Variants in NKAIN2 observed in about 807,000 individuals in gnomAD.
NKAIN2 encodes the protein sodium/potassium transporting ATPase interacting 2.
NKAIN2 carries 14 observed loss-of-function variants against 32.6 expected under a neutral mutation model. The ratio of observed to expected loss-of-function variants is 0.43; its 90% CI spans 0.28 to 0.67. The LOEUF (loss-of-function observed/expected upper bound fraction) is 0.67, where lower values mean the gene tolerates loss of function less well. NKAIN2 is among the 30% of genes least tolerant of loss of function. The pLI is 0.17. For missense variants in NKAIN2, 198 were observed against 258.3 expected, an observed-to-expected ratio of 0.77 and a Z score of 1.60; for synonymous variants, 80 against 87.2, an observed-to-expected ratio of 0.92 and a Z score of 0.46.
chr6:124,537,319 T>C (rs987790434), intron 3 of NKAIN2, among the ~76,000 whole-genome samples: 17 of 152,342 alleles, frequency 1.1e-4, no homozygotes, highest in African/African-American at 3.8e-4. Context: ...TAGCTTGTTC[T>C]ACATGTGATG....
intron 3 of NKAIN2, among the ~76,000 whole-genome samples, chr6:124,648,583 C>T (rs527323993): frequency 6.6e-6 from 1 of 152,172 alleles, no homozygotes; most frequent in East Asian, 1.9e-4. Flanking sequence ...TGGAGGCCTA[C>T]ATTAAATTAT....
In NKAIN2 at chr6:123,814,398, A is replaced by G. The variant is rs561979892; in HGVS notation, c.54+10144A>G. Reference sequence around the variant, plus strand: ...TTACCATTTTATAGACTGCCCTGGAATAGATTTATTTTTATTCAGAAAAGC... The same window carrying G: ...TTACCATTTTATAGACTGCCCTGGAGTAGATTTATTTTTATTCAGAAAAGC... On this transcript the variant is annotated intron_variant, in intron 1 of 6. Coordinates refer to ENST00000368417, the MANE Select transcript of NKAIN2 (RefSeq NM_001040214.3). Among the ~76,000 whole-genome samples the G allele has an allele frequency of 3.9e-5, 6 of 152,346 alleles. No homozygotes were observed. In the East Asian group the frequency reaches 1.2e-3, roughly 29 times the overall value.
chr6:124,777,850 G>C (rs1468149455), intron 4 of NKAIN2, among the ~76,000 whole-genome samples: 1 of 151,878 alleles, frequency 6.6e-6, no homozygotes, highest in African/African-American at 2.4e-5. Context: ...GCAGACTGAG[G>C]CTAATTACAG....
At chr6:124,040,801 A>G (rs532707156) in intron 1 of NKAIN2, among the ~76,000 whole-genome samples, 1 of 152,114 alleles carries the variant, frequency 6.6e-6, no homozygotes, top group South Asian at 2.1e-4. Flanking sequence ...CTTCCCATAT[A>G]TAAAAAGGGA....
chr6:124,742,794 C>G (rs996911017), intron 4 of NKAIN2, among the ~76,000 whole-genome samples: 20 of 151,792 alleles, frequency 1.3e-4, no homozygotes, highest in Admixed American at 9.9e-4. Flanking sequence ...GGACATCATC[C>G]AAGCCTTGGG....
At chr6:124,627,201 C>T (rs1032972827) in intron 3 of NKAIN2, among the ~76,000 whole-genome samples, 19 of 151,848 alleles carry the variant, frequency 1.3e-4, no homozygotes, top group African/African-American at 2.7e-4. Flanking sequence ...ACATGGGAGG[C>T]GGAGGTTGCA....
intron 3 of NKAIN2, among the ~76,000 whole-genome samples, chr6:124,397,917 G>C (rs938639075): frequency 7.9e-5 from 12 of 152,072 alleles, no homozygotes; most frequent in Admixed American, 3.9e-4. Flanking sequence ...CAGGTTCTCA[G>C]AGTTTATGGT....
intron 3 of NKAIN2, among the ~76,000 whole-genome samples, chr6:124,378,919 C>G (rs964779511): frequency 6.9e-6 from 1 of 145,578 alleles, no homozygotes; most frequent in Non-Finnish European, 1.5e-5. Flanking sequence ...GTAAAGAGAC[C>G]TGACTCTACA....
At chr6:124,764,863 T>C (rs1418975026) in intron 4 of NKAIN2, among the ~76,000 whole-genome samples, 2 of 151,986 alleles carry the variant, frequency 1.3e-5, no homozygotes, top group Non-Finnish European at 2.9e-5. Flanking sequence ...AATTAAATGT[T>C]AATGCAAAAA....
intron 1 of NKAIN2, among the ~76,000 whole-genome samples, chr6:123,883,165 G>A (rs182048542): frequency 3.3e-5 from 5 of 152,090 alleles, no homozygotes; most frequent in Admixed American, 2.6e-4. Context: ...ATTTTTTTGA[G>A]ACGGAGTCTT....
intron 1 of NKAIN2, among the ~76,000 whole-genome samples, chr6:123,925,416 A>G (rs1476036421): frequency 6.6e-6 from 1 of 152,210 alleles, no homozygotes; most frequent in African/African-American, 2.4e-5. Context: ...ACTGTTTTCA[A>G]TTTGCACTTG....
At chr6:124,360,168 A>T (rs1366987488) in intron 3 of NKAIN2, among the ~76,000 whole-genome samples, 2 of 152,096 alleles carry the variant, frequency 1.3e-5, no homozygotes, top group African/African-American at 2.4e-5. Flanking sequence ...TGCTGGATTC[A>T]GTTTGCCAGT....
intron 3 of NKAIN2, among the ~76,000 whole-genome samples, chr6:124,517,197 T>G (rs1283593700): frequency 6.6e-6 from 1 of 152,180 alleles, no homozygotes; most frequent in Non-Finnish European, 1.5e-5. Flanking sequence ...TTATTGGTCA[T>G]GAGCGTATAT....
chr6:124,086,029 A>G (rs902443809), intron 1 of NKAIN2, among the ~76,000 whole-genome samples: 3 of 152,000 alleles, frequency 2.0e-5, no homozygotes, highest in Non-Finnish European at 4.4e-5. Context: ...CAGTTTTCAT[A>G]TAAAAGAAGG....
chr6:124,740,884 A>G (rs551170870), intron 4 of NKAIN2, among the ~76,000 whole-genome samples: 42 of 152,036 alleles, frequency 2.8e-4, no homozygotes, highest in African/African-American at 8.2e-4. Context: ...GCTATTGTGC[A>G]AAGAACTGAC....
chr6:124,822,615 G>A (rs1781436096), intron 6 of NKAIN2, among the ~76,000 whole-genome samples: 1 of 152,202 alleles, frequency 6.6e-6, no homozygotes, highest in African/African-American at 2.4e-5. Flanking sequence ...ACTGTTCTTG[G>A]TTTGTAATTT....
At chr6:124,492,148 A>G (rs1777888869) in intron 3 of NKAIN2, among the ~76,000 whole-genome samples, 2 of 151,982 alleles carry the variant, frequency 1.3e-5, no homozygotes, top group South Asian at 4.1e-4. Context: ...ATTTTATTAT[A>G]TTTTCTTCAT....
intron 1 of NKAIN2, among the ~76,000 whole-genome samples, chr6:123,835,843 T>TCCC (rs1288091702): frequency 2.6e-5 from 4 of 152,160 alleles, no homozygotes; most frequent in Non-Finnish European, 5.9e-5. Context: ...CGGCTCCCCC[T>TCCC]GAGGTTCATG....
chr6:124,679,135 T>C (rs1324723673), intron 4 of NKAIN2, among the ~76,000 whole-genome samples: 1 of 152,118 alleles, frequency 6.6e-6, no homozygotes, highest in Non-Finnish European at 1.5e-5. Flanking sequence ...AGCCAGTCCC[T>C]GGACAGCCCA....
Sources: allele counts gnomAD v4.1 joint callset (sites outside exome capture counted in the v4.1 genomes callset), GRCh38; gene constraint gnomAD v4.1.1; transcripts MANE v1.5; gene names NCBI Gene and HGNC (gene_info 2026-07-23, HGNC 2026-07-21).